Variants in HSPA14 observed in about 807,000 individuals in gnomAD.
The protein encoded by HSPA14 is heat shock 70 kDa protein 14.
Under a neutral mutation model 65.5 loss-of-function variants are expected in HSPA14, and 37 were observed. The observed-to-expected ratio is 0.56, with a 90% CI of 0.43 to 0.74. The LOEUF (loss-of-function observed/expected upper bound fraction) is 0.74. Ranked by LOEUF, HSPA14 falls within the 30% of genes least tolerant of loss-of-function variation. The pLI is 0.00. For missense variants in HSPA14, 564 were observed against 607.6 expected, an observed-to-expected ratio of 0.93 and a Z score of 0.75; for synonymous variants, 203 against 214.2, an observed-to-expected ratio of 0.95 and a Z score of 0.46.
rs1225686048 is a variant in HSPA14 at position 14,855,821 on chromosome 10, G to A, written c.891-20G>A. 6 of 1,201,636 alleles carry A rather than the reference G, an allele frequency of 5.0e-6. No individual in the cohort carries two copies. The highest frequency in any genetic ancestry group is 1.8e-5 in the Admixed American group (1 of 54,088). The allele number at this position is 1,201,636 out of a possible 1,614,324, so 74.4% of individuals were successfully genotyped here. On this transcript the variant is annotated intron_variant, in intron 9 of 13. Coordinates refer to ENST00000378372, the MANE Select transcript of HSPA14 (RefSeq NM_016299.4). Reference sequence around the variant, plus strand: ...TGTCCCTGTGTCTGTGTGTTTCTGTGTGTGTGTATGTGTGTACAGAGCAAG... The same window carrying A: ...TGTCCCTGTGTCTGTGTGTTTCTGTATGTGTGTATGTGTGTACAGAGCAAG...
At chr10:14,855,539 T>C (rs997337215) in intron 9 of HSPA14, among the ~76,000 whole-genome samples, 5 of 152,214 alleles carry the variant, frequency 3.3e-5, no homozygotes, top group Admixed American at 3.3e-4. Context: ...TTAGATTTGT[T>C]ATTTTTTGGA....
intron 3 of HSPA14, among the ~76,000 whole-genome samples, chr10:14,847,328 C>G (rs1396096443): frequency 2.0e-5 from 3 of 152,212 alleles, no homozygotes; most frequent in African/African-American, 7.2e-5. Flanking sequence ...TGCTGAAATT[C>G]TAATATTGGT....
At chr10:14,845,792 C>G (rs956087488) in intron 3 of HSPA14, 1 of 173,234 alleles carries the variant, frequency 5.8e-6, no homozygotes, top group Non-Finnish European at 1.1e-5. Context: ...GAACTCCTGA[C>G]CTCAGGTGAT....
At chr10:14,841,124 G>C (rs1269208947) in intron 3 of HSPA14, 6 of 152,108 alleles carry the variant, frequency 3.9e-5, no homozygotes, top group Admixed American at 3.9e-4. Flanking sequence ...TCTCTTACCT[G>C]TGTTCAATTA....
At chr10:14,869,591 G>A (rs1832837363) in intron 12 of HSPA14, among the ~76,000 whole-genome samples, 1 of 152,112 alleles carries the variant, frequency 6.6e-6, no homozygotes, top group East Asian at 1.9e-4. Context: ...CACCACGCCT[G>A]GCCACATATT....
intron 10 of HSPA14, among the ~76,000 whole-genome samples, chr10:14,864,349 T>G (rs187499013): frequency 1.3e-5 from 2 of 151,554 alleles, no homozygotes; most frequent in Non-Finnish European, 2.9e-5. Context: ...ATTTTTATTA[T>G]ACTTTAAGTT....
At chr10:14,858,207 G>C (rs911055835) in intron 10 of HSPA14, among the ~76,000 whole-genome samples, 1 of 152,190 alleles carries the variant, frequency 6.6e-6, no homozygotes, top group African/African-American at 2.4e-5. Context: ...TGAAATGTCT[G>C]TGGCACAGCC....
At chr10:14,839,061 C>T (rs997193220) in intron 1 of HSPA14, among the ~76,000 whole-genome samples, 3 of 152,148 alleles carry the variant, frequency 2.0e-5, no homozygotes, top group African/African-American at 7.2e-5. Context: ...CTGATGGTCC[C>T]GCAAAGCTGC....
At chr10:14,864,779 GA>G (rs1832790570) in intron 10 of HSPA14, among the ~76,000 whole-genome samples, 2 of 152,166 alleles carry the variant, frequency 1.3e-5, no homozygotes, top group Non-Finnish European at 2.9e-5. Flanking sequence ...GTACCGCAAT[GA>G]ACATATGTGT....
chr10:14,840,061 ATTTTTT>A lies in HSPA14; in HGVS notation c.139-9_139-4del, dbSNP rs3830599. The A allele has an allele frequency of 1.4e-5, 16 of 1,160,276 alleles. No individual in the cohort carries two copies. The highest frequency in any genetic ancestry group is 1.7e-5 in the Non-Finnish European group (15 of 865,858). 71.9% of individuals were successfully genotyped at this position (1,160,276 alleles called of 1,614,324 possible). ...ATTGTAATATATATATATATATATT[ATTTTTT>A]TTTTCAGATTGTTGGATTGGCAGCA... On this transcript the variant is annotated splice_region_variant and splice_polypyrimidine_tract_variant and intron_variant, in intron 2 of 13. Coordinates refer to ENST00000378372, the MANE Select transcript of HSPA14 (RefSeq NM_016299.4).
chr10:14,847,616 T>A (rs949517425), intron 3 of HSPA14, among the ~76,000 whole-genome samples: 3 of 152,192 alleles, frequency 2.0e-5, no homozygotes, highest in African/African-American at 7.2e-5. Context: ...CTAAGCCAAA[T>A]TAGTCCATTT....
At chr10:14,858,299 C>T (rs1832724871) in intron 10 of HSPA14, among the ~76,000 whole-genome samples, 1 of 152,218 alleles carries the variant, frequency 6.6e-6, no homozygotes, top group African/African-American at 2.4e-5. Context: ...TTATCTCTCA[C>T]AGTCCAATTC....
At chr10:14,846,745 G>A (rs1564321157) in intron 3 of HSPA14, 1 of 985,320 alleles carries the variant, frequency 1.0e-6, no homozygotes, top group Non-Finnish European at 1.2e-6. Flanking sequence ...CATGTAACAA[G>A]TAGGGGAAAG....
chr10:14,848,825 A>G lies in HSPA14; in HGVS notation c.306A>G (p.Ile102Met). 1 of 1,590,068 alleles carries G rather than the reference A, an allele frequency of 6.3e-7. No homozygotes were observed. The highest frequency in any genetic ancestry group is 8.6e-7 in the Non-Finnish European group (1 of 1,162,302). ...IEKNGKLRYEIDTGEETKFVN... is the reference protein window; with the variant it reads ...IEKNGKLRYEMDTGEETKFVN... ...AAAATGGGAAATTACGATATGAAATAGATACTGGAGAAGAAACAAAATTTG... is the reference window on the plus strand; with the variant it reads ...AAAATGGGAAATTACGATATGAAATGGATACTGGAGAAGAAACAAAATTTG... The change falls in exon 5 of 14, where the codon ATA becomes ATG. Residue 102 changes from isoleucine to methionine, a missense_variant. Transcript: ENST00000378372.
At chr10:14,838,503 C>T (rs1833921450) in intron 1 of HSPA14, 44 bp downstream of exon 1, 4 of 1,540,994 alleles carry the variant, frequency 2.6e-6, no homozygotes, top group African/African-American at 1.4e-5. Context: ...GACGGCCACC[C>T]GGTTTTCTGG....
At chr10:14,845,595 A>T in intron 3 of HSPA14, 1 of 909,214 alleles carries the variant, frequency 1.1e-6, no homozygotes, top group Non-Finnish European at 1.3e-6. Context: ...TTCTATTATT[A>T]TTATTTTTTT....
At chr10:14,870,795 T>A in intron 13 of HSPA14, 128 bp downstream of exon 13, 1 of 880,600 alleles carries the variant, frequency 1.1e-6, no homozygotes, top group Non-Finnish European at 1.6e-6. Flanking sequence ...TTTTTATCAG[T>A]GAATTACATT....
At chr10:14,871,271 A>T (rs1026590623) in intron 13 of HSPA14, among the ~76,000 whole-genome samples, 1 of 152,222 alleles carries the variant, frequency 6.6e-6, no homozygotes, top group African/African-American at 2.4e-5. Flanking sequence ...GATGTTTGTC[A>T]TCATGGGTTT....
intron 10 of HSPA14, among the ~76,000 whole-genome samples, chr10:14,864,966 C>T (rs1315152895): frequency 6.6e-6 from 1 of 152,164 alleles, no homozygotes. Context: ...TATTTCTCCA[C>T]ATCCTCTCTA....
Sources: gnomAD v4.1 joint callset for allele counts (sites outside exome capture counted in the v4.1 genomes callset) on GRCh38, gnomAD v4.1.1 for gene constraint, MANE v1.5 for transcripts, NCBI Gene and HGNC (gene_info 2026-07-23, HGNC 2026-07-21) for gene names.